HECW1: variants seen among roughly 807,000 people sequenced by gnomAD.
HECW1 encodes HECT, C2 and WW domain containing E3 ubiquitin protein ligase 1.
Under a neutral mutation model 182.3 loss-of-function variants are expected in HECW1, and 61 were observed. The observed-to-expected ratio is 0.33, with a 90% confidence interval of 0.27 to 0.41. HECW1 has a LOEUF of 0.41. Ranked by LOEUF, HECW1 falls within the 10% of genes least tolerant of loss-of-function variation. HECW1 has a pLI of 1.00. For missense variants in HECW1, 1,739 were observed against 2,108.9 expected, an observed-to-expected ratio of 0.82 and a Z score of 3.44; for synonymous variants, 859 against 832.6, an observed-to-expected ratio of 1.03 and a Z score of -0.55.
chr7:43,243,786 G>T lies in HECW1; in HGVS notation c.-31-89G>T, dbSNP rs188355583. The T allele has an allele frequency of 4.3e-5, 44 of 1,024,158 alleles. No homozygotes were observed. The African/African-American group carries it at 6.1e-4, about 14-fold the overall frequency. 63.4% of individuals were successfully genotyped at this position (1,024,158 alleles called of 1,614,324 possible). ...CAGGCCAGGTATCTTGGCGGGGGTG[G>T]GGGAAACAATGTTGTTTGTGTGGGT... is the stretch of plus-strand genomic sequence containing the variant. On this transcript the variant is annotated intron_variant, in intron 2 of 29. Coordinates refer to ENST00000395891, the MANE Select transcript of HECW1 (RefSeq NM_015052.5). This position sits in a 1 kb window ranked among gnomAD's most constrained non-coding sequence, Gnocchi z 4.0.
At chr7:43,430,907 A>G (rs10951732) in intron 8 of HECW1, among the ~76,000 whole-genome samples, 124,385 of 151,338 alleles carry the variant, frequency 0.82, 51,770 homozygotes, top group East Asian at 0.99. Context: ...TCAGCCTCCC[A>G]AGTAGCTGGG....
At chr7:43,496,583 G>A (rs2079131638) in intron 19 of HECW1, among the ~76,000 whole-genome samples, 1 of 152,120 alleles carries the variant, frequency 6.6e-6, no homozygotes, top group Non-Finnish European at 1.5e-5. Flanking sequence ...GAGTTGAAGA[G>A]AATACCACTC....
intron 15 of HECW1, among the ~76,000 whole-genome samples, chr7:43,468,551 T>G (rs1035341752): frequency 3.9e-5 from 6 of 151,972 alleles, no homozygotes; most frequent in African/African-American, 1.4e-4. Context: ...AGACAAGGCC[T>G]TGCTCTGTTG....
intron 5 of HECW1, among the ~76,000 whole-genome samples, chr7:43,341,490 A>G (rs36081161): frequency 0.2 from 30,075 of 151,670 alleles, 3,724 homozygotes; most frequent in Non-Finnish European, 0.27. Context: ...AAAAATATAT[A>G]TCAGCTATCA....
chr7:43,195,115 C>T (rs1020966062), intron 2 of HECW1, among the ~76,000 whole-genome samples: 2 of 152,168 alleles, frequency 1.3e-5, no homozygotes, highest in Non-Finnish European at 2.9e-5. Flanking sequence ...GATTTACTTT[C>T]CACATAGAAG....
intron 1 of HECW1, among the ~76,000 whole-genome samples, chr7:43,113,220 A>G (rs1447506610): frequency 6.6e-6 from 1 of 151,922 alleles, no homozygotes; most frequent in Non-Finnish European, 1.5e-5. Flanking sequence ...AGAAGCCCCC[A>G]AGCGGGTTCG....
At chr7:43,307,988 TATAATA>T (rs1392992718) in intron 3 of HECW1, among the ~76,000 whole-genome samples, 11 of 126,092 alleles carry the variant, frequency 8.7e-5, no homozygotes, top group African/African-American at 3.3e-4. Flanking sequence ...TTATAGAACA[TATAATA>T]TATAATATAT....
At chr7:43,408,862 G>T (rs1165831181) in intron 8 of HECW1, among the ~76,000 whole-genome samples, 1 of 152,096 alleles carries the variant, frequency 6.6e-6, no homozygotes, top group Non-Finnish European at 1.5e-5. Context: ...TAGAAACCTG[G>T]ATTCTAATCC....
In HECW1 at chr7:43,187,458, T is replaced by C. The variant is rs1443686739; in HGVS notation, c.-31-56417T>C. ...ATTTTTGTTATTTTGATTCGTGCTTTCAAATTTTAGGGTTTTTATTTTACT... is the reference window on the plus strand; with the variant it reads ...ATTTTTGTTATTTTGATTCGTGCTTCCAAATTTTAGGGTTTTTATTTTACT... On this transcript the variant is annotated intron_variant, in intron 2 of 29. Coordinates refer to ENST00000395891, the MANE Select transcript of HECW1 (RefSeq NM_015052.5). Among the ~76,000 whole-genome samples the C allele has an allele frequency of 2.0e-5, 3 of 152,290 alleles. No homozygotes were observed. In the East Asian group the frequency reaches 5.8e-4, roughly 29 times the overall value.
intron 24 of HECW1, chr7:43,523,161 G>A (rs941386087): frequency 6.9e-6 from 2 of 291,420 alleles, no homozygotes; most frequent in Non-Finnish European, 1.4e-5. Context: ...GTGCCACCAG[G>A]CCCGGCTAAT....
intron 5 of HECW1, among the ~76,000 whole-genome samples, chr7:43,337,121 T>A (rs1349638326): frequency 6.6e-6 from 1 of 152,250 alleles, no homozygotes; most frequent in African/African-American, 2.4e-5. Flanking sequence ...ATCTCCATAT[T>A]GTTTTCCATA....
chr7:43,558,166 C>T (rs915374764), intron 29 of HECW1, among the ~76,000 whole-genome samples: 3 of 151,928 alleles, frequency 2.0e-5, no homozygotes, highest in Non-Finnish European at 4.4e-5. Context: ...AACAAGAGCT[C>T]AAAGGAGGAC....
chr7:43,519,535 C>A (rs567709912), intron 24 of HECW1, among the ~76,000 whole-genome samples: 1 of 152,190 alleles, frequency 6.6e-6, no homozygotes, highest in African/African-American at 2.4e-5. Context: ...TGAGCCACCG[C>A]GCCTGGCCTA....
At chr7:43,315,576 C>T (rs986866775) in intron 4 of HECW1, among the ~76,000 whole-genome samples, 2 of 152,040 alleles carry the variant, frequency 1.3e-5, no homozygotes, top group African/African-American at 2.4e-5. Flanking sequence ...TCACTGCAAC[C>T]TCCGCCTCCC....
intron 7 of HECW1, among the ~76,000 whole-genome samples, chr7:43,403,360 TTC>T (rs1459666462): frequency 6.6e-6 from 1 of 152,104 alleles, no homozygotes; most frequent in African/African-American, 2.4e-5. Context: ...GGGCAGCAAG[TTC>T]TGGGAAGGCT....
At chr7:43,274,672 A>C (rs1802879768) in intron 3 of HECW1, 2 of 290,810 alleles carry the variant, frequency 6.9e-6, no homozygotes, top group East Asian at 9.9e-5. Flanking sequence ...AGCGAGAGAG[A>C]GCGCGCAGTA....
chr7:43,453,065 G>C (rs10258168), intron 12 of HECW1, among the ~76,000 whole-genome samples: 30,874 of 152,192 alleles, frequency 0.2, 3,251 homozygotes, highest in Middle Eastern at 0.31. Context: ...ATCACTTAAG[G>C]GCTTTTACTC....
intron 3 of HECW1, among the ~76,000 whole-genome samples, chr7:43,281,725 T>A (rs1803942981): frequency 6.8e-6 from 1 of 146,778 alleles, no homozygotes; most frequent in Non-Finnish European, 1.5e-5. Flanking sequence ...TTTTTTTTTT[T>A]TTTTTTTTTT....
chr7:43,286,910 T>C (rs899121652), intron 3 of HECW1, among the ~76,000 whole-genome samples: 8 of 152,218 alleles, frequency 5.3e-5, no homozygotes, highest in African/African-American at 1.9e-4. Flanking sequence ...GTCAATAGAT[T>C]TGAAGAATTT....
Sources: gnomAD v4.1 joint callset for allele counts (sites outside exome capture counted in the v4.1 genomes callset) on GRCh38, gnomAD v4.1.1 for gene constraint, Gnocchi (gnomAD v3.1) non-coding constraint, MANE v1.5 for transcripts, NCBI Gene and HGNC (gene_info 2026-07-23, HGNC 2026-07-21) for gene names.